STARD9: variants seen among roughly 807,000 people sequenced by gnomAD.
STARD9 encodes the protein stAR-related lipid transfer protein 9.
Under a neutral mutation model 399.8 loss-of-function variants are expected in STARD9, and 346 were observed. That is an observed-to-expected ratio of 0.87 (90% CI 0.79 to 0.95). STARD9 has a LOEUF of 0.95. Ranked by LOEUF, STARD9 falls within the 40% of genes least tolerant of loss-of-function variation. STARD9 has a pLI of 0.00. For missense variants in STARD9, 5,832 were observed against 5,667.5 expected (o/e 1.03, Z -0.93); for synonymous variants, 2,203 against 2,143.5 (o/e 1.03, Z -0.77).
At chr15:42,635,812 A>G (rs2059408183) in intron 4 of STARD9, among the ~76,000 whole-genome samples, 1 of 152,140 alleles carries the variant, frequency 6.6e-6, no homozygotes. Flanking sequence ...CTGTGCAGAG[A>G]TTTGATTATT....
chr15:42,616,879 A>G (rs1190452633), intron 3 of STARD9, among the ~76,000 whole-genome samples: 7 of 146,788 alleles, frequency 4.8e-5, no homozygotes, highest in Non-Finnish European at 1.0e-4. Flanking sequence ...TGACAGAGCG[A>G]GACTTCCTCT....
chr15:42,592,129 G>A (rs965825955), intron 3 of STARD9, among the ~76,000 whole-genome samples: 5 of 152,104 alleles, frequency 3.3e-5, no homozygotes, highest in African/African-American at 4.8e-5. Context: ...ACCCTAAAAG[G>A]TAGAGGATTT....
At position 42,691,395 on chromosome 15, in the gene STARD9, G is replaced by C; in HGVS notation, c.9817G>C (p.Val3273Leu). The stretch of plus-strand genomic sequence containing the variant: ...ACAGGGCTTCAAAGACCCAGCCACT[G>C]TGTCCTTGAGGCAAAATGAAACACC... ...LSQGFKDPAT[V>L]SLRQNETPQP... is the part of the protein sequence containing the mutation. The change falls in exon 23 of 33, where the codon GTG (valine) becomes CTG (leucine). Residue 3273 changes from valine to leucine, a missense_variant. Around this residue, in one of 2 missense-constraint regions of STARD9, gnomAD observed 5,828 missense variants for 5,651.1 expected, o/e 1.03. Transcript: ENST00000290607. 6.5e-7 allele frequency: 1 copy of C among 1,537,276 alleles called. No individual in the cohort carries two copies. The highest frequency in any genetic ancestry group is 8.7e-7 in the Non-Finnish European group (1 of 1,146,912).
rs1566972572 is a variant in STARD9, at chr15:42,719,519, T to C, written c.14048T>C (p.Phe4683Ser). 6.5e-7 allele frequency: 1 copy of C among 1,537,248 alleles called. No individual in the cohort carries two copies. The highest frequency in any genetic ancestry group is 2.4e-5 in the East Asian group (1 of 40,908). ...PGFPPQLLSS[F>S]IKRQPLVIAR... ...TTCCCACCTCAGCTCCTGAGCTCTT[T>C]CATCAAACGGCAGCCACTGGTTATA... Residue 4683 changes from phenylalanine to serine, a missense_variant, in exon 33 of 33, where the codon TTC (phenylalanine) becomes TCC (serine). This residue lies in a region of STARD9 where 5,828 missense variants were observed against 5,651.1 expected (regional missense o/e 1.03). Coordinates refer to ENST00000290607, the MANE Select transcript of STARD9 (RefSeq NM_020759.3).
chr15:42,586,929 A>C (rs2058288954), intron 3 of STARD9, among the ~76,000 whole-genome samples: 1 of 151,148 alleles, frequency 6.6e-6, no homozygotes, highest in African/African-American at 2.4e-5. Flanking sequence ...ATCTCAGCTC[A>C]CTTCAGCCTC....
intron 26 of STARD9, among the ~76,000 whole-genome samples, chr15:42,703,317 C>T (rs1405312030): frequency 6.6e-6 from 1 of 151,784 alleles, no homozygotes; most frequent in African/African-American, 2.4e-5. Flanking sequence ...TCATTCTGCA[C>T]TCCCTCTTGA....
chr15:42,654,801 AT>A (rs2059832546), intron 9 of STARD9, among the ~76,000 whole-genome samples: 1 of 152,242 alleles, frequency 6.6e-6, no homozygotes, highest in African/African-American at 2.4e-5. Flanking sequence ...ATGGAAACAT[AT>A]CTCATGCTCA....
At position 42,687,398 on chromosome 15, in the gene STARD9, A is replaced by G; in HGVS notation, c.5820A>G (p.Pro1940=). The change falls in exon 23 of 33, where the codon CCA becomes CCG. Residue 1940 remains proline, a synonymous_variant. Coordinates refer to ENST00000290607, the MANE Select transcript of STARD9 (RefSeq NM_020759.3). The part of the protein sequence containing the change: ...TINVSLEKDM[P]GESAVSLKSR... ...ATGTAAGCCTTGAGAAAGACATGCC[A>G]GGGGAAAGTGCTGTTTCTTTGAAAT... is the stretch of plus-strand genomic sequence containing the variant. 6.5e-7 allele frequency: 1 copy of G among 1,536,874 alleles called. No individual in the cohort carries two copies.
intron 3 of STARD9, among the ~76,000 whole-genome samples, chr15:42,605,146 A>T (rs1471592031): frequency 6.6e-6 from 1 of 152,176 alleles, no homozygotes; most frequent in African/African-American, 2.4e-5. Context: ...TTTATTCTGG[A>T]TGCCATTTAA....
chr15:42,687,438 C>G lies in STARD9; in HGVS notation c.5860C>G (p.Arg1954Gly), dbSNP rs1595774588. 6 of 1,537,120 alleles carry G rather than the reference C, an allele frequency of 3.9e-6. 1 individual carries two copies. Among genetic ancestry groups the G allele is most frequent in the Middle Eastern group, 1.7e-4 (1 of 5,990 alleles). Residue 1954 changes from arginine (R) to glycine (G), a missense_variant, in exon 23 of 33, where the codon CGT becomes GGT. This residue lies in a region of STARD9 where 5,828 missense variants were observed against 5,651.1 expected (regional missense o/e 1.03). Transcript: ENST00000290607. ...TTCTTTGAAATCCAGATCAGTAGAT[C>G]GTAGAGTAAGCAGCCCAGTGATGGT... ...AVSLKSRSVD[R>G]RVSSPVMVAQ...
chr15:42,675,059 A>G, intron 18 of STARD9, 95 bp downstream of exon 18: 1 of 1,322,512 alleles, frequency 7.6e-7, no homozygotes. Flanking sequence ...GGCTTTAAAA[A>G]TGGATCACCC....
chr15:42,604,349 A>G (rs768382916), intron 3 of STARD9, among the ~76,000 whole-genome samples: 4 of 152,128 alleles, frequency 2.6e-5, no homozygotes, highest in Non-Finnish European at 5.9e-5. Flanking sequence ...TGATTATTCT[A>G]CCTCGTTCAT....
At position 42,689,502 on chromosome 15, in the gene STARD9, C is replaced by A. The variant is rs2060639756; in HGVS notation, c.7924C>A (p.Leu2642Met). 2.6e-6 allele frequency: 4 copies of A among 1,537,224 alleles called. No individual in the cohort carries two copies. Among genetic ancestry groups the A allele is most frequent in the Non-Finnish European group, 3.5e-6 (4 of 1,146,938 alleles). ...PDERKVQATS[L>M]SADSFESLPN... ...TGAGAGGAAAGTCCAGGCCACATCT[C>A]TGTCTGCAGACAGCTTTGAATCTCT... The change falls in exon 23 of 33, where the codon CTG (leucine) becomes ATG (methionine). Residue 2642 changes from leucine (L) to methionine (M), a missense_variant. Around this residue, in one of 2 missense-constraint regions of STARD9, gnomAD observed 5,828 missense variants for 5,651.1 expected, o/e 1.03. Coordinates refer to ENST00000290607, the MANE Select transcript of STARD9 (RefSeq NM_020759.3).
chr15:42,581,386 A>G (rs2058166020), intron 1 of STARD9: 1 of 1,491,288 alleles, frequency 6.7e-7, no homozygotes, highest in Admixed American at 1.7e-5. Flanking sequence ...GGCGTGGTGC[A>G]ATAGTCAAGA....
chr15:42,589,707 A>G (rs1398147302), intron 3 of STARD9, among the ~76,000 whole-genome samples: 2 of 151,752 alleles, frequency 1.3e-5, no homozygotes, highest in African/African-American at 4.8e-5. Flanking sequence ...TCTGGTTTCA[A>G]GTGATTCTCT....
At chr15:42,673,869 A>T (rs2060254169) in intron 16 of STARD9, 4 of 455,074 alleles carry the variant, frequency 8.8e-6, no homozygotes. Context: ...ACTCTCTTCC[A>T]GTTCTTTTTT....
chr15:42,692,887 CTG>C lies in STARD9; in HGVS notation c.11313_11314del (p.Gln3773ArgfsTer66), dbSNP rs1172341461. 2.6e-6 allele frequency: 4 copies of C among 1,537,134 alleles called. No individual in the cohort carries two copies. Among genetic ancestry groups the C allele is most frequent in the African/African-American group, 2.7e-5 (2 of 73,026 alleles). On this transcript the variant is annotated frameshift_variant, in exon 23 of 33. Coordinates refer to ENST00000290607, the MANE Select transcript of STARD9 (RefSeq NM_020759.3). LOFTEE classifies it high-confidence loss of function. ...GAAGGGCTAGGCTCAGATACCTCGA[CTG>C]TGTCTCAAGAAGAGGGAGATGTGCC...
intron 9 of STARD9, 107 bp from the exon 10 acceptor site, chr15:42,661,051 G>C: frequency 1.4e-6 from 1 of 731,504 alleles, no homozygotes; most frequent in Non-Finnish European, 2.3e-6. Flanking sequence ...CAGATTTGTT[G>C]AGTGAATTGG....
At chr15:42,616,370 G>A (rs139264905) in intron 3 of STARD9, among the ~76,000 whole-genome samples, 2,363 of 152,304 alleles carry the variant, frequency 0.016, 38 homozygotes, top group Non-Finnish European at 0.022. Flanking sequence ...GGGAGACATG[G>A]TAAAGTTTCT....
Sources: gnomAD v4.1 joint callset for allele counts (sites outside exome capture counted in the v4.1 genomes callset) on GRCh38, gnomAD v4.1.1 for gene constraint, gnomAD v4.1.1 regional missense constraint, MANE v1.5 for transcripts, NCBI Gene and HGNC (gene_info 2026-07-23, HGNC 2026-07-21) for gene names.